Variants in KSR2 observed in about 807,000 individuals in gnomAD.
The protein encoded by KSR2 is kinase suppressor of ras 2.
In KSR2, 25 loss-of-function variants were observed where a neutral mutation model predicts 107.8. That is an observed-to-expected ratio of 0.23 (90% CI 0.17 to 0.32). The LOEUF (loss-of-function observed/expected upper bound fraction) is 0.32. Among genes scored for constraint, KSR2 ranks in the 10% least tolerant of loss-of-function variants. The probability of loss-of-function intolerance (pLI) is 1.00; values close to 1 mark genes in which losing one functional copy is unlikely to be tolerated. For synonymous variants in KSR2, 480 were observed against 507.0 expected (o/e 0.95, Z 0.71); for missense variants, 887 against 1,268.9 (o/e 0.70, Z 4.57).
At chr12:117,878,992 C>A (rs1049570998) in intron 1 of KSR2, among the ~76,000 whole-genome samples, 1 of 151,926 alleles carries the variant, frequency 6.6e-6, no homozygotes, top group Non-Finnish European at 1.5e-5. Context: ...GATAAAAAAT[C>A]CAGACAACAC....
At chr12:117,713,445 GTTA>G (rs1397160919) in intron 4 of KSR2, among the ~76,000 whole-genome samples, 1 of 152,130 alleles carries the variant, frequency 6.6e-6, no homozygotes, top group East Asian at 1.9e-4. Flanking sequence ...TGGCACCTTA[GTTA>G]TTATTCTTCA....
In KSR2 at chr12:117,897,585, A is replaced by G. The variant is rs1039075228; in HGVS notation, c.181-37154T>C. Reference sequence around the variant, plus strand: ...TGAACAGACACGTCTTTGAGGTAACAATGGCCTTCTGGAGCGGGGAAGGAA... The same window carrying G: ...TGAACAGACACGTCTTTGAGGTAACGATGGCCTTCTGGAGCGGGGAAGGAA... On this transcript the variant is annotated intron_variant, in intron 1 of 19. Transcript: ENST00000339824. This position sits in a 1 kb window ranked among gnomAD's most constrained non-coding sequence, Gnocchi z 4.5. Among the ~76,000 whole-genome samples, 1 of 152,040 alleles carries G rather than the reference A, an allele frequency of 6.6e-6. No individual in the cohort carries two copies. Among genetic ancestry groups the G allele is most frequent in the Admixed American group, 6.6e-5 (1 of 15,248 alleles).
At chr12:117,822,123 G>C (rs964722937) in intron 3 of KSR2, among the ~76,000 whole-genome samples, 1 of 152,196 alleles carries the variant, frequency 6.6e-6, no homozygotes, top group African/African-American at 2.4e-5. Context: ...GGCAACATCA[G>C]AAAGTTACCC....
chr12:117,649,056 C>T (rs1473731308), intron 5 of KSR2, among the ~76,000 whole-genome samples: 6 of 152,206 alleles, frequency 3.9e-5, no homozygotes, highest in Non-Finnish European at 7.3e-5. Context: ...GATCACACAC[C>T]TCCCAACAAT....
chr12:117,628,428 T>A (rs1430142497), intron 5 of KSR2, among the ~76,000 whole-genome samples: 1 of 152,206 alleles, frequency 6.6e-6, no homozygotes, highest in African/African-American at 2.4e-5. Flanking sequence ...CCTTTCTGTT[T>A]TTTAGTTTTC....
intron 4 of KSR2, among the ~76,000 whole-genome samples, chr12:117,686,158 C>CAAGA (rs1885565078): frequency 6.6e-6 from 1 of 150,938 alleles, no homozygotes; most frequent in Non-Finnish European, 1.5e-5. Context: ...AAGCCATCCT[C>CAAGA]CTGTCTCAGT....
At chr12:117,909,273 C>T (rs1894947090) in intron 1 of KSR2, among the ~76,000 whole-genome samples, 1 of 152,190 alleles carries the variant, frequency 6.6e-6, no homozygotes, top group Admixed American at 6.5e-5. Flanking sequence ...TTCACTACCC[C>T]ACTGTTGTAT....
chr12:117,827,676 G>T lies in KSR2; in HGVS notation c.472+27752C>A, dbSNP rs191083261. 3.3e-5 allele frequency among the ~76,000 whole-genome samples: 5 copies of T among 152,304 alleles called. No individual in the cohort carries two copies. The East Asian group carries it at 9.6e-4, about 29-fold the overall frequency. On this transcript the variant is annotated intron_variant, in intron 3 of 19. Transcript: ENST00000339824. ...GGATAATTTATTTAGCACTTACAAT[G>T]TATAACACAATAGGTAAGTGTTAAA...
At chr12:117,516,148 AC>A (rs1459215579) in intron 14 of KSR2, among the ~76,000 whole-genome samples, 1 of 151,952 alleles carries the variant, frequency 6.6e-6, no homozygotes, top group Non-Finnish European at 1.5e-5. Flanking sequence ...TCCTCAGGCA[AC>A]CCTCCTCTTT....
intron 3 of KSR2, among the ~76,000 whole-genome samples, chr12:117,817,503 C>T (rs1426304673): frequency 6.6e-6 from 1 of 152,180 alleles, no homozygotes; most frequent in African/African-American, 2.4e-5. Flanking sequence ...TCACACATTT[C>T]GGCTGGTAAC....
At chr12:117,570,280 G>C (rs1033580711) in intron 7 of KSR2, among the ~76,000 whole-genome samples, 48 of 152,322 alleles carry the variant, frequency 3.2e-4, no homozygotes, top group Admixed American at 3.1e-3. Flanking sequence ...GGGATTACAG[G>C]CTTGAGCCAT....
In KSR2 at chr12:117,459,045, A is replaced by G. The variant is rs1023976911; in HGVS notation, c.*8154T>C. The G allele has an allele frequency of 5.3e-5, 8 of 152,258 alleles. No homozygotes were observed. The highest frequency in any genetic ancestry group is 2.4e-5 in the African/African-American group (1 of 41,444). 9.4% of individuals were successfully genotyped at this position (152,258 alleles called of 1,614,324 possible). A position where few individuals can be genotyped will look rare whatever the true frequency, so the allele number is the denominator to read the frequency against. On this transcript the variant is annotated 3_prime_UTR_variant, in exon 20 of 20. Transcript: ENST00000339824. ...CAGCCCAGCTGTTACTAGACTGGGC[A>G]TAGCATTCAGGCCTTGTGGTGAAGC...
intron 5 of KSR2, among the ~76,000 whole-genome samples, chr12:117,636,299 T>C (rs781557593): frequency 1.3e-5 from 2 of 151,402 alleles, no homozygotes; most frequent in South Asian, 4.2e-4. Context: ...GTTGGAAAAA[T>C]AGTTAAAAAA....
chr12:117,886,977 G>A (rs896792253), intron 1 of KSR2, among the ~76,000 whole-genome samples: 1 of 152,154 alleles, frequency 6.6e-6, no homozygotes, highest in African/African-American at 2.4e-5. Context: ...AGGCTGGAAT[G>A]CAGTGGTGTG....
At chr12:117,578,084 G>A (rs1309185903) in intron 7 of KSR2, among the ~76,000 whole-genome samples, 3 of 152,098 alleles carry the variant, frequency 2.0e-5, no homozygotes, top group African/African-American at 7.2e-5. Context: ...GCTTGGGGAG[G>A]CAGAGCTTGG....
At chr12:117,881,050 C>G (rs1454807809) in intron 1 of KSR2, among the ~76,000 whole-genome samples, 2 of 151,994 alleles carry the variant, frequency 1.3e-5, no homozygotes, top group African/African-American at 4.8e-5. Context: ...GATACTCGAC[C>G]TATACCAGAT....
chr12:117,637,269 T>C (rs1293113104), intron 5 of KSR2, among the ~76,000 whole-genome samples: 2 of 152,228 alleles, frequency 1.3e-5, no homozygotes, highest in East Asian at 1.9e-4. Flanking sequence ...GGGGGTGATT[T>C]TGACACTCAT....
chr12:117,551,491 G>C (rs708852), intron 9 of KSR2, among the ~76,000 whole-genome samples: 87,520 of 152,012 alleles, frequency 0.58, 26,422 homozygotes, highest in Non-Finnish European at 0.66. Flanking sequence ...GACAGATCTT[G>C]AGATAACTGG....
At position 117,751,054 on chromosome 12, in the gene KSR2, T is replaced by C. The variant is rs190666985; in HGVS notation, c.986+9957A>G. On this transcript the variant is annotated intron_variant, in intron 4 of 19. Transcript: ENST00000339824. ...AATTATAGTTCTCATAATCCTCACA[T>C]GTCGTGGGATGGACCAGGTGCAGAT... 1.3e-4 allele frequency among the ~76,000 whole-genome samples: 20 copies of C among 152,318 alleles called. No individual in the cohort carries two copies. In the East Asian group the frequency reaches 3.5e-3, roughly 26 times the overall value.
Sources: gnomAD v4.1 joint callset for allele counts (sites outside exome capture counted in the v4.1 genomes callset) on GRCh38, gnomAD v4.1.1 for gene constraint, Gnocchi (gnomAD v3.1) non-coding constraint, MANE v1.5 for transcripts, NCBI Gene and HGNC (gene_info 2026-07-23, HGNC 2026-07-21) for gene names.